The following SYN1 variants were observed in gnomAD, a reference collection of about 807,000 sequenced individuals.
SYN1 encodes the protein synapsin-1.
SYN1 carries 8 observed loss-of-function variants against 44.6 expected under a neutral mutation model. The ratio of observed to expected loss-of-function variants is 0.18; its 90% CI spans 0.11 to 0.32. The LOEUF is 0.32. SYN1 is among the 10% of genes least tolerant of loss of function. SYN1 has a pLI of 1.00. For missense variants in SYN1, 451 were observed against 639.4 expected (o/e 0.71, Z 3.18); for synonymous variants, 275 against 280.1 (o/e 0.98, Z 0.18).
chrX:47,575,389 G>C, intron 9 of SYN1, 115 bp from the exon 10 acceptor site: 1 of 907,546 alleles, frequency 1.1e-6, no homozygotes, highest in Non-Finnish European at 1.5e-6. Flanking sequence ...CAGTGTCTGA[G>C]GCACTGATTG....
chrX:47,585,568 C>T (rs1459720642), intron 5 of SYN1: 9 of 1,200,126 alleles, frequency 7.5e-6, no homozygotes, highest in Non-Finnish European at 1.0e-5. Flanking sequence ...GACTCTTGCA[C>T]ATCACTACCT....
Position 47,619,268 on chromosome X carries a change from C to T in SYN1, c.377+84G>A. The T allele has an allele frequency of 2.6e-6, 3 of 1,167,834 alleles. No individual in the cohort carries two copies. The South Asian group carries it at 5.6e-5, about 22-fold the overall frequency. ...GTGAGAGGGCCAGGTGTCAGGCACA[C>T]AAGCGGCGCTCGATAATTGCTCATT... On this transcript the variant is annotated intron_variant, in intron 1 of 12. Transcript: ENST00000295987.
intron 1 of SYN1, among the ~76,000 whole-genome samples, chrX:47,615,208 CAT>C (rs1238333796): frequency 2.7e-5 from 3 of 111,485 alleles, no homozygotes; most frequent in South Asian, 3.7e-4. Flanking sequence ...TATTATGTAA[CAT>C]ATAAAATGTT....
chrX:47,595,296 A>G (rs963746603), intron 5 of SYN1, among the ~76,000 whole-genome samples: 13 of 112,077 alleles, frequency 1.2e-4, no homozygotes, highest in African/African-American at 4.2e-4. Flanking sequence ...CATGAGCCAC[A>G]CTAGCAAACT....
chrX:47,598,261 A>T (rs1051447045), intron 5 of SYN1, among the ~76,000 whole-genome samples: 1 of 112,470 alleles, frequency 8.9e-6, no homozygotes, highest in Non-Finnish European at 1.9e-5. Flanking sequence ...TTGTTTGACA[A>T]TAATAGCACA....
chrX:47,572,559 C>T lies in SYN1; in HGVS notation c.*305G>A, dbSNP rs1603049438. 1 of 261,961 alleles carries T rather than the reference C, an allele frequency of 3.8e-6. No individual in the cohort carries two copies. The highest frequency in any genetic ancestry group is 6.4e-5 in the South Asian group (1 of 15,709). The allele number at this position is 261,961 out of a possible 1,213,427, so 21.6% of individuals were successfully genotyped here. A position where few individuals can be genotyped will look rare whatever the true frequency, so the allele number is the denominator to read the frequency against. ...ATTTGGGCACTTCCAGGAAGGAAAA[C>T]GCCCTCTGGGGAAACCAGGGGCGGA... On this transcript the variant is annotated 3_prime_UTR_variant, in exon 13 of 13. Transcript: ENST00000295987.
chrX:47,607,263 C>T, intron 1 of SYN1, 65 bp from the exon 2 acceptor site: 2 of 1,069,675 alleles, frequency 1.9e-6, no homozygotes, highest in Non-Finnish European at 2.6e-6. Flanking sequence ...AAACACAGGC[C>T]CTTGACCCTT....
At chrX:47,604,762 C>T in intron 5 of SYN1, 1 of 432,492 alleles carries the variant, frequency 2.3e-6, no homozygotes, top group South Asian at 3.5e-5. Flanking sequence ...ACATGAGTAA[C>T]AGGATCTGAT....
intron 9 of SYN1, among the ~76,000 whole-genome samples, chrX:47,575,765 T>C (rs750278104): frequency 3.3e-4 from 37 of 111,558 alleles, no homozygotes; most frequent in African/African-American, 1.1e-3. Flanking sequence ...TTACAGAAAA[T>C]GTTTGCCGAT....
chrX:47,581,345 A>G (rs1203543283), intron 5 of SYN1, among the ~76,000 whole-genome samples: 1 of 112,418 alleles, frequency 8.9e-6, no homozygotes, highest in Non-Finnish European at 1.9e-5. Flanking sequence ...ACCCCAGGGA[A>G]GGTTCCTGCA....
chrX:47,597,976 A>G (rs1159080341), intron 5 of SYN1, among the ~76,000 whole-genome samples: 3 of 112,565 alleles, frequency 2.7e-5, no homozygotes, highest in Non-Finnish European at 5.6e-5. Context: ...ACATTCACAG[A>G]TAAACAAAAA....
chrX:47,619,502 A>C lies in SYN1; in HGVS notation c.227T>G (p.Phe76Cys). ...GACCGCGTTGGACAGCGACGAGAAG[A>C]AGCCACCGCCCCCCGAGGACCCGGG... ...PSPGSSGGGG[F>C]FSSLSNAVKQ... The change falls in exon 1 of 13, where the codon TTC (phenylalanine) becomes TGC (cysteine). Residue 76 changes from phenylalanine (F) to cysteine (C), a missense_variant. Physicochemically the swap from Phe to Cys is radical, Grantham distance 205. Around this residue, in one of 3 missense-constraint regions of SYN1, gnomAD observed 315 missense variants for 451.4 expected, o/e 0.70. Coordinates refer to ENST00000295987, the MANE Select transcript of SYN1 (RefSeq NM_006950.3). 1 of 1,197,877 alleles carries C rather than the reference A, an allele frequency of 8.3e-7. No individual in the cohort carries two copies. The highest frequency in any genetic ancestry group is 1.1e-6 in the Non-Finnish European group (1 of 892,416).
chrX:47,611,608 C>T (rs1054942826), intron 1 of SYN1, among the ~76,000 whole-genome samples: 1 of 111,778 alleles, frequency 8.9e-6, no homozygotes, highest in Non-Finnish European at 1.9e-5. Context: ...ATCTCTCTCA[C>T]CTGGTGTCAT....
At chrX:47,615,035 G>A (rs1039094314) in intron 1 of SYN1, among the ~76,000 whole-genome samples, 3 of 111,125 alleles carry the variant, frequency 2.7e-5, no homozygotes, top group African/African-American at 9.8e-5. Context: ...TCAGAGTCTC[G>A]GGGTCTGCTT....
chrX:47,575,988 C>G (rs1269744211), intron 9 of SYN1, 143 bp downstream of exon 9: 1 of 597,866 alleles, frequency 1.7e-6, no homozygotes, highest in Non-Finnish European at 2.7e-6. Context: ...ATGGCCCCTT[C>G]GAAAGTTCGT....
chrX:47,597,762 G>A (rs774924478), intron 5 of SYN1, among the ~76,000 whole-genome samples: 13 of 111,910 alleles, frequency 1.2e-4, no homozygotes, highest in Admixed American at 3.8e-4. Flanking sequence ...AAAAGCTAAA[G>A]ACAGAGAGAA....
intron 5 of SYN1, among the ~76,000 whole-genome samples, chrX:47,600,100 G>T (rs1029568870): frequency 5.4e-5 from 6 of 111,947 alleles, no homozygotes; most frequent in African/African-American, 1.3e-4. Flanking sequence ...AAAACAGGCA[G>T]AATTGGAGAC....
chrX:47,586,458 A>G, intron 5 of SYN1: 18 of 1,176,139 alleles, frequency 1.5e-5, no homozygotes, highest in Non-Finnish European at 2.1e-5. Flanking sequence ...TGAGGAGAGG[A>G]AGTTCTGCTC....
At chrX:47,589,459 G>A (rs796404757) in intron 5 of SYN1, among the ~76,000 whole-genome samples, 2 of 107,747 alleles carry the variant, frequency 1.9e-5, no homozygotes, top group Admixed American at 1.0e-4. Context: ...AAAATTAGCC[G>A]AGTATGGTGG....
Sources: gnomAD v4.1 joint callset for allele counts (sites outside exome capture counted in the v4.1 genomes callset) on GRCh38, gnomAD v4.1.1 for gene constraint, gnomAD v4.1.1 regional missense constraint, MANE v1.5 for transcripts, NCBI Gene and HGNC (gene_info 2026-07-23, HGNC 2026-07-21) for gene names.